CACNA1D: variants seen among roughly 807,000 people sequenced by gnomAD.
The protein encoded by CACNA1D is voltage-dependent L-type calcium channel subunit alpha-1D.
In CACNA1D, 55 loss-of-function variants were observed where a neutral mutation model predicts 257.1. The ratio of observed to expected loss-of-function variants is 0.21; its 90% CI spans 0.17 to 0.27. The LOEUF (loss-of-function observed/expected upper bound fraction) is 0.27. CACNA1D is among the 10% of genes least tolerant of loss of function. The pLI, the probability that CACNA1D is intolerant of heterozygous loss-of-function variation, is 1.00. For missense variants in CACNA1D, 1,876 were observed against 2,784.0 expected, an observed-to-expected ratio of 0.67 and a Z score of 7.34; for synonymous variants, 980 against 1,014.9, an observed-to-expected ratio of 0.97 and a Z score of 0.65.
chr3:53,734,362 T>A (rs917570975), intron 19 of CACNA1D, among the ~76,000 whole-genome samples: 1 of 151,970 alleles, frequency 6.6e-6, no homozygotes, highest in African/African-American at 2.4e-5. Flanking sequence ...AACATATACA[T>A]ACATATTTTA....
chr3:53,612,617 G>C (rs906146859), intron 3 of CACNA1D, among the ~76,000 whole-genome samples: 8 of 152,208 alleles, frequency 5.3e-5, no homozygotes, highest in Admixed American at 6.5e-5. Context: ...AGACTGGAGG[G>C]TTTCCCTCTT....
At chr3:53,697,287 A>C in intron 8 of CACNA1D, among the ~76,000 whole-genome samples, 1 of 152,302 alleles carries the variant, frequency 6.6e-6, no homozygotes, top group Middle Eastern at 3.4e-3. Context: ...TTTCTGTCCT[A>C]TAGGGACATT....
At chr3:53,682,994 T>A (rs2094446280) in intron 8 of CACNA1D, among the ~76,000 whole-genome samples, 1 of 152,146 alleles carries the variant, frequency 6.6e-6, no homozygotes. Context: ...GTTTTAGAAT[T>A]ATGGCAGAGA....
At chr3:53,632,615 A>G (rs967612536) in intron 3 of CACNA1D, among the ~76,000 whole-genome samples, 2 of 152,240 alleles carry the variant, frequency 1.3e-5, no homozygotes, top group African/African-American at 4.8e-5. Flanking sequence ...ACTAAGCTTA[A>G]TCATTTCTAG....
chr3:53,803,225 G>A (rs2276837), intron 43 of CACNA1D, among the ~76,000 whole-genome samples, 198 bp from the exon 44 acceptor site: 1 of 152,156 alleles, frequency 6.6e-6, no homozygotes, highest in Non-Finnish European at 1.5e-5. Flanking sequence ...ATCCTGGCCC[G>A]CAGGCACACC....
In CACNA1D at chr3:53,781,652, G is replaced by A. The variant is rs979062002; in HGVS notation, c.4777G>A (p.Val1593Ile). 9.3e-6 allele frequency: 15 copies of A among 1,612,294 alleles called. No individual in the cohort carries two copies. The highest frequency in any genetic ancestry group is 1.2e-5 in the Non-Finnish European group (14 of 1,178,374). ...KTSMKLLDQV[V>I]PPAGDDEVTV... ...CAGCATGAAATTACTTGACCAAGTT[G>A]TCCCTCCAGCTGGTGGTCAGTGCAG... The change falls in exon 39 of 48, where the codon GTC becomes ATC. Residue 1593 changes from valine to isoleucine, a missense_variant. By Grantham distance (29) the Val-to-Ile change is conservative (BLOSUM62 3). Coordinates refer to ENST00000350061, the MANE Select transcript of CACNA1D (RefSeq NM_001128840.3).
At chr3:53,796,146 A>G (rs1314999667) in intron 40 of CACNA1D, 1 of 290,122 alleles carries the variant, frequency 3.4e-6, no homozygotes, top group Non-Finnish European at 7.1e-6. Flanking sequence ...TTCTAATGGA[A>G]CTAGTCTAAA....
chr3:53,661,749 G>A (rs1231949253), intron 5 of CACNA1D, among the ~76,000 whole-genome samples: 1 of 152,140 alleles, frequency 6.6e-6, no homozygotes, highest in Non-Finnish European at 1.5e-5. Context: ...CATTGTGTCT[G>A]CTTCCTTGGC....
chr3:53,693,957 A>G (rs1217380386), intron 8 of CACNA1D, among the ~76,000 whole-genome samples: 8 of 152,210 alleles, frequency 5.3e-5, no homozygotes. Flanking sequence ...AATCAAGATG[A>G]CTTCCAGTGG....
intron 12 of CACNA1D, 126 bp downstream of exon 12, chr3:53,722,600 G>A: frequency 1.0e-6 from 1 of 1,001,636 alleles, no homozygotes; most frequent in Non-Finnish European, 1.6e-6. Context: ...GGACAAACTT[G>A]GTAGAACCAT....
At chr3:53,540,670 A>T (rs529770525) in intron 3 of CACNA1D, among the ~76,000 whole-genome samples, 1 of 152,114 alleles carries the variant, frequency 6.6e-6, no homozygotes, top group African/African-American at 2.4e-5. Context: ...TTCACATACA[A>T]TTTTATTCTG....
At chr3:53,801,461 G>A in intron 42 of CACNA1D, 36 bp downstream of exon 42, 1 of 1,610,460 alleles carries the variant, frequency 6.2e-7, no homozygotes, top group Non-Finnish European at 8.5e-7. Flanking sequence ...TGCTCATGTG[G>A]TGTCTGCCCG....
intron 30 of CACNA1D, chr3:53,766,265 T>G (rs2095331449): frequency 6.6e-6 from 1 of 152,122 alleles, no homozygotes; most frequent in African/African-American, 2.4e-5. Context: ...GGTTGTGTAG[T>G]CCCCCATTTC....
intron 3 of CACNA1D, among the ~76,000 whole-genome samples, chr3:53,532,138 C>A (rs1432785875): frequency 1.3e-5 from 2 of 152,292 alleles, no homozygotes; most frequent in Admixed American, 6.5e-5. Flanking sequence ...AGTTATGTTT[C>A]ATCCTATTTA....
chr3:53,696,201 C>G (rs745355645), intron 8 of CACNA1D, among the ~76,000 whole-genome samples: 1 of 152,198 alleles, frequency 6.6e-6, no homozygotes, highest in Non-Finnish European at 1.5e-5. Context: ...CTCCTGGCCT[C>G]AAGCAATCCT....
chr3:53,687,339 G>A (rs1452247769), intron 8 of CACNA1D, among the ~76,000 whole-genome samples: 1 of 151,596 alleles, frequency 6.6e-6, no homozygotes, highest in Non-Finnish European at 1.5e-5. Context: ...AAAGAAGGAG[G>A]GCTTATACTG....
chr3:53,643,096 A>G (rs926852914), intron 3 of CACNA1D, among the ~76,000 whole-genome samples: 2 of 152,194 alleles, frequency 1.3e-5, no homozygotes, highest in Non-Finnish European at 2.9e-5. Flanking sequence ...AGCTGTCGAG[A>G]CTAGCATTAG....
At chr3:53,775,824 G>GA (rs1339320700) in intron 34 of CACNA1D, 62 bp from the exon 35 acceptor site, 2 of 1,525,658 alleles carry the variant, frequency 1.3e-6, no homozygotes, top group Non-Finnish European at 1.8e-6. Flanking sequence ...TCTCCCCTAA[G>GA]ATCTAAGCTT....
intron 9 of CACNA1D, among the ~76,000 whole-genome samples, chr3:53,705,885 C>A (rs1427859226): frequency 6.6e-6 from 1 of 152,184 alleles, no homozygotes. Flanking sequence ...GAAAACCACA[C>A]AAGGAGAGGG....
Sources: allele counts gnomAD v4.1 joint callset (sites outside exome capture counted in the v4.1 genomes callset), GRCh38; gene constraint gnomAD v4.1.1; transcripts MANE v1.5; gene names NCBI Gene and HGNC (gene_info 2026-07-23, HGNC 2026-07-21).